LAMA2: variants seen among roughly 807,000 people sequenced by gnomAD.
LAMA2 encodes laminin subunit alpha-2.
In LAMA2, 269 loss-of-function variants were observed where a neutral mutation model predicts 364.8. The observed-to-expected ratio is 0.74, with a 90% CI of 0.67 to 0.82. LAMA2 has a LOEUF of 0.82. LAMA2 is among the 40% of genes least tolerant of loss of function. The probability of loss-of-function intolerance (pLI) is 0.00; values close to 1 mark genes in which losing one functional copy is unlikely to be tolerated. For synonymous variants in LAMA2, 1,379 were observed against 1,370.6 expected, an observed-to-expected ratio of 1.01 and a Z score of -0.14; for missense variants, 3,807 against 3,873.2, an observed-to-expected ratio of 0.98 and a Z score of 0.45.
rs541886579 is a variant in LAMA2 at position 129,184,316 on chromosome 6, A to C, written c.1468-5889A>C. ...CCTGAATCTAAATTACAGATGTAGA[A>C]TTTTTGGCATAAAAGGTTCATGCAT... On this transcript the variant is annotated intron_variant, in intron 10 of 64. Transcript: ENST00000421865. Among the ~76,000 whole-genome samples, 9 of 152,064 alleles carry C rather than the reference A, an allele frequency of 5.9e-5. No individual in the cohort carries two copies. The South Asian group carries it at 1.9e-3, about 31-fold the overall frequency.
chr6:129,319,550 T>C (rs558402422), intron 27 of LAMA2, among the ~76,000 whole-genome samples: 2 of 152,320 alleles, frequency 1.3e-5, no homozygotes, highest in South Asian at 4.1e-4. Context: ...CAAAACAATG[T>C]TAATTATCTT....
intron 13 of LAMA2, among the ~76,000 whole-genome samples, chr6:129,251,414 C>A (rs1029824624): frequency 6.6e-5 from 10 of 151,890 alleles, no homozygotes; most frequent in Non-Finnish European, 1.5e-4. Flanking sequence ...AAATATGTAA[C>A]TTTCGTGCAC....
In LAMA2 at chr6:129,250,215, T is replaced by A; in HGVS notation, c.1884+2T>A. On this transcript the variant is annotated splice_donor_variant, in intron 13 of 64. Coordinates refer to ENST00000421865, the MANE Select transcript of LAMA2 (RefSeq NM_000426.4). LOFTEE classifies it high-confidence loss of function. ...CTCCAGCTTATGATTATCTTAGAGG[T>A]AGAGTACTGAGAGCATGTTCACCCG... The A allele has an allele frequency of 6.5e-7, 1 of 1,526,986 alleles. No individual in the cohort carries two copies. Among genetic ancestry groups the A allele is most frequent in the Non-Finnish European group, 9.1e-7 (1 of 1,102,196 alleles). 94.6% of individuals were successfully genotyped at this position (1,526,986 alleles called of 1,614,324 possible). A position where few individuals can be genotyped will look rare whatever the true frequency, so the allele number is the denominator to read the frequency against.
At chr6:129,059,951 C>T in intron 3 of LAMA2, 55 bp downstream of exon 3, 2 of 972,692 alleles carry the variant, frequency 2.1e-6, no homozygotes, top group East Asian at 4.9e-5. Flanking sequence ...TTTACATTTG[C>T]TATTTGTTTA....
chr6:128,912,701 G>C (rs1778053572), intron 1 of LAMA2, among the ~76,000 whole-genome samples: 1 of 152,144 alleles, frequency 6.6e-6, no homozygotes, highest in East Asian at 1.9e-4. Context: ...TGGCATAGTA[G>C]GGAAAAAAGT....
At chr6:129,297,612 T>C (rs1773269800) in intron 20 of LAMA2, 73 bp from the exon 21 acceptor site, 2 of 1,380,462 alleles carry the variant, frequency 1.4e-6, no homozygotes, top group Admixed American at 1.8e-5. Context: ...ACCTGATCTT[T>C]GGTATTGTGC....
rs531893151 is a variant in LAMA2 at position 128,959,101 on chromosome 6, T to C, written c.112+75744T>C. Among the ~76,000 whole-genome samples, 36 of 152,304 alleles carry C rather than the reference T, an allele frequency of 2.4e-4. No homozygotes were observed. In the South Asian group the frequency reaches 7.5e-3, roughly 32 times the overall value. On this transcript the variant is annotated intron_variant, in intron 1 of 64. Transcript: ENST00000421865. ...TCTCTCTTTTCTTTTTTGTACATCGTTGCCTGGCATTAATAATTGCTTTGT... is the reference window on the plus strand; with the variant it reads ...TCTCTCTTTTCTTTTTTGTACATCGCTGCCTGGCATTAATAATTGCTTTGT...
intron 60 of LAMA2, among the ~76,000 whole-genome samples, chr6:129,503,923 C>T (rs935791186): frequency 1.3e-5 from 2 of 152,178 alleles, no homozygotes; most frequent in Non-Finnish European, 2.9e-5. Flanking sequence ...ACAGAAGGCT[C>T]ATTTGCCAGC....
chr6:129,441,075 C>G (rs1017778181), intron 43 of LAMA2, 77 bp downstream of exon 43: 1 of 1,307,930 alleles, frequency 7.6e-7, no homozygotes, highest in African/African-American at 1.5e-5. Flanking sequence ...TGTAAATGCT[C>G]GAGTTGGAAA....
At chr6:129,067,738 C>T (rs535623585) in intron 3 of LAMA2, among the ~76,000 whole-genome samples, 5 of 152,288 alleles carry the variant, frequency 3.3e-5, no homozygotes, top group South Asian at 2.1e-4. Context: ...CTGGTCATCC[C>T]GCTATGTCTT....
At chr6:128,993,046 C>G (rs1028248175) in intron 1 of LAMA2, among the ~76,000 whole-genome samples, 3 of 152,162 alleles carry the variant, frequency 2.0e-5, no homozygotes, top group Admixed American at 1.3e-4. Context: ...AATTTCTCCT[C>G]CCATCAATGA....
rs1784974300 is a variant in LAMA2, at chr6:129,014,784, T to C, written c.113-35134T>C. Among the ~76,000 whole-genome samples the C allele has an allele frequency of 2.0e-5, 3 of 152,236 alleles. No homozygotes were observed. The South Asian group carries it at 6.2e-4, about 32-fold the overall frequency. ...CCCCCAATAATTAGATATTTGAACA[T>C]GGTGGAAATAGTGAACCTATCATCT... is the stretch of plus-strand genomic sequence containing the variant. On this transcript the variant is annotated intron_variant, in intron 1 of 64. Transcript: ENST00000421865.
intron 3 of LAMA2, among the ~76,000 whole-genome samples, chr6:129,083,771 A>G (rs1774209623): frequency 6.6e-6 from 1 of 152,188 alleles, no homozygotes; most frequent in South Asian, 2.1e-4. Context: ...TATAGCTTAG[A>G]TCCAACGTAT....
rs1470973829 is a variant in LAMA2 at position 129,497,554 on chromosome 6, A to AGTT, written c.8244+5075_8244+5077dup. Among the ~76,000 whole-genome samples the AGTT allele has an allele frequency of 2.6e-5, 4 of 152,306 alleles. No individual in the cohort carries two copies. In the East Asian group the frequency reaches 7.7e-4, roughly 29 times the overall value. ...CTGGCCCAGAATTTAGCTTTTTAAG[A>AGTT]GTTGTTATTTAAGAACTAAGACTTA... On this transcript the variant is annotated intron_variant, in intron 58 of 64. Coordinates refer to ENST00000421865, the MANE Select transcript of LAMA2 (RefSeq NM_000426.4).
At chr6:128,949,491 G>T (rs116727211) in intron 1 of LAMA2, among the ~76,000 whole-genome samples, 1 of 152,022 alleles carries the variant, frequency 6.6e-6, no homozygotes, top group Non-Finnish European at 1.5e-5. Context: ...TCAAAATGTG[G>T]AAATGTTTGA....
In LAMA2 at chr6:129,221,162, C is replaced by CAAA. The variant is rs148440333; in HGVS notation, c.1782+28317_1782+28319dup. 2.0e-3 allele frequency among the ~76,000 whole-genome samples: 280 copies of CAAA among 139,520 alleles called. 3 individuals carry two copies. The highest frequency in any genetic ancestry group is 8.7e-3 in the East Asian group (42 of 4,806). 91.5% of individuals were successfully genotyped at this position (139,520 alleles called of 152,430 possible). ...TGGGAGACAGAGCAAGACTCCATCT[C>CAAA]AAAAAAAAAATAAAAATTAAAAAAA... is the stretch of plus-strand genomic sequence containing the variant. On this transcript the variant is annotated intron_variant, in intron 12 of 64. Transcript: ENST00000421865.
intron 1 of LAMA2, 127 bp downstream of exon 1, chr6:128,883,484 G>A: frequency 6.8e-7 from 1 of 1,465,124 alleles, no homozygotes; most frequent in Non-Finnish European, 9.2e-7. Flanking sequence ...GTGCGCTCTG[G>A]GGCAAGAGGA....
chr6:129,161,793 G>C (rs1421337076), intron 8 of LAMA2, among the ~76,000 whole-genome samples: 1 of 152,116 alleles, frequency 6.6e-6, no homozygotes, highest in African/African-American at 2.4e-5. Flanking sequence ...TAGGATAATG[G>C]CCTTCTGCTC....
At chr6:129,113,431 G>A (rs1469206127) in intron 4 of LAMA2, among the ~76,000 whole-genome samples, 2 of 151,944 alleles carry the variant, frequency 1.3e-5, no homozygotes, top group African/African-American at 4.8e-5. Flanking sequence ...ATGGCTAGCC[G>A]AAAAGCATCT....
Sources: gnomAD v4.1 joint callset for allele counts (sites outside exome capture counted in the v4.1 genomes callset) on GRCh38, gnomAD v4.1.1 for gene constraint, MANE v1.5 for transcripts, NCBI Gene and HGNC (gene_info 2026-07-23, HGNC 2026-07-21) for gene names.